Variants in RASGRP3 observed in about 807,000 individuals in gnomAD.
RASGRP3 encodes RAS guanyl releasing protein 3.
RASGRP3 carries 54 observed loss-of-function variants against 82.7 expected under a neutral mutation model. The observed-to-expected ratio is 0.65, with a 90% CI of 0.52 to 0.82. The LOEUF is 0.82. Among genes scored for constraint, RASGRP3 ranks in the 40% least tolerant of loss-of-function variants. The pLI is 0.00. For missense variants in RASGRP3, 861 were observed against 828.9 expected, an observed-to-expected ratio of 1.04 and a Z score of -0.48; for synonymous variants, 309 against 300.5, an observed-to-expected ratio of 1.03 and a Z score of -0.29.
chr2:33,526,185 T>C (rs893654665), intron 9 of RASGRP3, among the ~76,000 whole-genome samples: 16 of 152,206 alleles, frequency 1.1e-4, no homozygotes, highest in African/African-American at 3.9e-4. Flanking sequence ...GTTCCTGAAC[T>C]AATCACAAAC....
chr2:33,501,299 A>G (rs114101746), intron 1 of RASGRP3, among the ~76,000 whole-genome samples: 2,182 of 152,346 alleles, frequency 0.014, 51 homozygotes, highest in African/African-American at 0.05. Context: ...ATGGAGATAT[A>G]CTTCATTTTG....
At chr2:33,559,453 T>C (rs1377785524) in intron 17 of RASGRP3, among the ~76,000 whole-genome samples, 1 of 152,188 alleles carries the variant, frequency 6.6e-6, no homozygotes, top group Non-Finnish European at 1.5e-5. Context: ...AACTTTTCAT[T>C]CTGCTCAAAA....
chr2:33,516,572 T>G lies in RASGRP3; in HGVS notation c.101T>G (p.Leu34Trp), dbSNP rs761656022. ...DDNGELDNSY[L>W]PRIVLLMHRW... Reference sequence around the variant, plus strand: ...AATGGAGAGCTGGATAATAGTTATTTGCCAAGAATAGTTCTACTGATGCAC... The same window carrying G: ...AATGGAGAGCTGGATAATAGTTATTGGCCAAGAATAGTTCTACTGATGCAC... The change falls in exon 4 of 18, where the codon TTG becomes TGG. Residue 34 changes from leucine to tryptophan, a missense_variant. Physicochemically the swap from Leu to Trp is moderately conservative, Grantham distance 61. Transcript: ENST00000403687. 6.3e-7 allele frequency: 1 copy of G among 1,590,778 alleles called. No individual in the cohort carries two copies. Among genetic ancestry groups the G allele is most frequent in the Non-Finnish European group, 8.6e-7 (1 of 1,163,582 alleles).
In RASGRP3 at chr2:33,456,740, A is replaced by G. The variant is rs193047374; in HGVS notation, c.-261+8797A>G. Among the ~76,000 whole-genome samples the G allele has an allele frequency of 2.0e-5, 3 of 152,332 alleles. No homozygotes were observed. The East Asian group carries it at 5.8e-4, about 29-fold the overall frequency. On this transcript the variant is annotated intron_variant, in intron 2 of 18. Coordinates refer to the RASGRP3 transcript ENST00000402538. ...TTAAAAAATTCATTTTTCTAAAAAT[A>G]ATTAATCCAATTCACACACAGGCAT...
chr2:33,480,138 A>G (rs1326276433), intron 1 of RASGRP3, among the ~76,000 whole-genome samples: 1 of 146,954 alleles, frequency 6.8e-6, no homozygotes, highest in African/African-American at 2.5e-5. Context: ...CGCCTCCAGG[A>G]TTCACACCAT....
intron 1 of RASGRP3, among the ~76,000 whole-genome samples, chr2:33,446,360 T>C (rs1020101330): frequency 1.3e-5 from 2 of 152,128 alleles, no homozygotes; most frequent in Admixed American, 6.6e-5. Context: ...GGTTTCACCA[T>C]GTTAGCCAGG....
In RASGRP3 at chr2:33,459,503, G is replaced by A. The variant is rs1666242136; in HGVS notation, c.-261+11560G>A. On this transcript the variant is annotated intron_variant, in intron 2 of 18. Coordinates refer to the RASGRP3 transcript ENST00000402538. ...TTGGAAAAATAACTGGAAATATAGA[G>A]CATTAAAGGTAAACAAAGCCAAACA... Among the ~76,000 whole-genome samples, 3 of 152,164 alleles carry A rather than the reference G, an allele frequency of 2.0e-5. No homozygotes were observed. In the South Asian group the frequency reaches 6.2e-4, roughly 32 times the overall value.
At chr2:33,455,126 G>T (rs1665974013) in intron 2 of RASGRP3, among the ~76,000 whole-genome samples, 1 of 152,160 alleles carries the variant, frequency 6.6e-6, no homozygotes, top group South Asian at 2.1e-4. Context: ...TATAGGAGAT[G>T]ATGTCATGTA....
chr2:33,488,394 ATGG>A lies in RASGRP3; in HGVS notation c.-261+11688_-261+11690del, dbSNP rs1395072282. On this transcript the variant is annotated intron_variant, in intron 1 of 17. Transcript: ENST00000403687. ...CCTCTAACAACTCTGAATAGTAATA[ATGG>A]AACACAGAAGATGCTTTATTAGTAA... Among the ~76,000 whole-genome samples, 398 of 152,328 alleles carry A rather than the reference ATGG, an allele frequency of 2.6e-3. 2 individuals carry two copies. Among genetic ancestry groups the A allele is most frequent in the African/African-American group, 9.1e-3 (378 of 41,570 alleles).
chr2:33,467,269 G>T (rs138873363), intron 2 of RASGRP3, among the ~76,000 whole-genome samples: 1 of 152,024 alleles, frequency 6.6e-6, no homozygotes, highest in Non-Finnish European at 1.5e-5. Context: ...AGCTTTAGAG[G>T]TTGCAAAGTC....
At chr2:33,539,533 G>T (rs67624702) in intron 12 of RASGRP3, 75,178 of 171,546 alleles carry the variant, frequency 0.44, 20,685 homozygotes, top group Middle Eastern at 0.57. Flanking sequence ...ACCCACATAG[G>T]TCCCACTAAG....
rs149682413 is a variant in RASGRP3, at chr2:33,440,928, T to A, written c.-385+4337T>A. ...TCTTCTTCAAGACAAGGTCCCCCTC[T>A]ATCACCCAGGCTGGAATGCAGTGGC... On this transcript the variant is annotated intron_variant, in intron 1 of 18. Coordinates refer to the RASGRP3 transcript ENST00000402538. Among the ~76,000 whole-genome samples the A allele has an allele frequency of 3.9e-3, 590 of 152,234 alleles. 3 individuals carry two copies. The highest frequency in any genetic ancestry group is 0.014 in the Middle Eastern group (4 of 294).
At chr2:33,530,165 A>T (rs1400765901) in intron 10 of RASGRP3, among the ~76,000 whole-genome samples, 1 of 152,230 alleles carries the variant, frequency 6.6e-6, no homozygotes, top group East Asian at 1.9e-4. Context: ...GAAGGCATCC[A>T]CATGCCAGCA....
chr2:33,551,686 A>G (rs1210648834), intron 14 of RASGRP3, among the ~76,000 whole-genome samples: 1 of 152,086 alleles, frequency 6.6e-6, no homozygotes, highest in African/African-American at 2.4e-5. Flanking sequence ...ATCGCTAAAT[A>G]TAATAATAAC....
Position 33,556,430 on chromosome 2 carries a change from G to C in RASGRP3, c.1579+863G>C, listed in dbSNP as rs941579371. 3.6e-5 allele frequency among the ~76,000 whole-genome samples: 4 copies of C among 112,202 alleles called. 1 individual carries two copies. The highest frequency in any genetic ancestry group is 6.9e-5 in the Non-Finnish European group (4 of 58,292). 73.6% of individuals were successfully genotyped at this position (112,202 alleles called of 152,430 possible). A position where few individuals can be genotyped will look rare whatever the true frequency, so the allele number is the denominator to read the frequency against. On this transcript the variant is annotated intron_variant, in intron 15 of 17. Transcript: ENST00000403687. ...GCCCGGCTAATTTTTTGTATTTTTA[G>C]TAGAGACGGGGTTTCACCTTGTTAG...
chr2:33,447,468 C>T (rs1426104053), intron 1 of RASGRP3, among the ~76,000 whole-genome samples: 1 of 151,052 alleles, frequency 6.6e-6, no homozygotes, highest in Admixed American at 6.6e-5. Flanking sequence ...CAGAGTTTCA[C>T]TTGGTCACCC....
chr2:33,477,350 C>T (rs1037533769), intron 1 of RASGRP3, among the ~76,000 whole-genome samples: 1 of 152,132 alleles, frequency 6.6e-6, no homozygotes, highest in Admixed American at 6.5e-5. Context: ...TTTTTTCCCC[C>T]CAACAAGCTA....
chr2:33,470,614 T>C (rs1001224710), intron 2 of RASGRP3, among the ~76,000 whole-genome samples: 1 of 151,940 alleles, frequency 6.6e-6, no homozygotes, highest in African/African-American at 2.4e-5. Context: ...CTCCTGACCT[T>C]GTGATCCACC....
At chr2:33,536,929 T>C (rs1011577003) in intron 11 of RASGRP3, among the ~76,000 whole-genome samples, 2 of 152,154 alleles carry the variant, frequency 1.3e-5, no homozygotes, top group Non-Finnish European at 2.9e-5. Context: ...TTAATGCTCT[T>C]TTAGCAGTTG....
Sources: allele counts gnomAD v4.1 joint callset (sites outside exome capture counted in the v4.1 genomes callset), GRCh38; gene constraint gnomAD v4.1.1; transcripts MANE v1.5; gene names NCBI Gene and HGNC (gene_info 2026-07-23, HGNC 2026-07-21).